The following SVOP variants were observed in gnomAD, a reference collection of about 807,000 sequenced individuals.
SVOP encodes the protein synaptic vesicle 2-related protein.
A neutral mutation model predicts 69.1 loss-of-function variants in SVOP; 17 were observed. The ratio of observed to expected loss-of-function variants is 0.25; its 90% CI spans 0.17 to 0.37. The LOEUF (loss-of-function observed/expected upper bound fraction) is 0.37. Among genes scored for constraint, SVOP ranks in the 10% least tolerant of loss-of-function variants. The pLI is 1.00. For missense variants in SVOP, 435 were observed against 597.5 expected (o/e 0.73, Z 2.84); for synonymous variants, 238 against 238.6 (o/e 1.00, Z 0.02).
intron 5 of SVOP, among the ~76,000 whole-genome samples, chr12:108,966,458 G>T (rs2040046127): frequency 6.6e-6 from 1 of 152,030 alleles, no homozygotes. Flanking sequence ...ACAATATCAT[G>T]CGGTGAACGC....
intron 1 of SVOP, among the ~76,000 whole-genome samples, chr12:109,019,264 A>G (rs2040383642): frequency 6.6e-6 from 1 of 152,182 alleles, no homozygotes. Flanking sequence ...TTTACATTTA[A>G]ATAAGTGAAA....
At chr12:109,016,565 C>A (rs2040368925) in intron 1 of SVOP, among the ~76,000 whole-genome samples, 1 of 152,016 alleles carries the variant, frequency 6.6e-6, no homozygotes, top group Non-Finnish European at 1.5e-5. Context: ...AAGCTTTTTT[C>A]CCAATTCAGG....
intron 6 of SVOP, among the ~76,000 whole-genome samples, chr12:108,951,914 C>T (rs2039956823): frequency 6.6e-6 from 1 of 152,174 alleles, no homozygotes; most frequent in Non-Finnish European, 1.5e-5. Context: ...TCTGTGTGGC[C>T]TTGTGACTTG....
chr12:108,951,441 T>C (rs1243347488), intron 6 of SVOP, among the ~76,000 whole-genome samples: 1 of 152,204 alleles, frequency 6.6e-6, no homozygotes, highest in African/African-American at 2.4e-5. Flanking sequence ...TATTTGCATT[T>C]CCTAAATTTG....
At chr12:109,001,478 CA>C (rs1211345879) in intron 1 of SVOP, among the ~76,000 whole-genome samples, 2,206 of 149,604 alleles carry the variant, frequency 0.015, 62 homozygotes, top group African/African-American at 0.052. Context: ...CATATGGAAC[CA>C]AAAAAGAGCC....
intron 5 of SVOP, among the ~76,000 whole-genome samples, chr12:108,964,443 T>C (rs994537462): frequency 2.0e-5 from 3 of 151,924 alleles, no homozygotes; most frequent in Non-Finnish European, 4.4e-5. Context: ...GAAGACTTAA[T>C]TGGCATCAGC....
At chr12:108,913,951 C>T (rs2039700003) in intron 15 of SVOP, among the ~76,000 whole-genome samples, 1 of 152,214 alleles carries the variant, frequency 6.6e-6, no homozygotes, top group Non-Finnish European at 1.5e-5. Flanking sequence ...ATGCCCAGCC[C>T]ATTTCTTCAT....
intron 15 of SVOP, 149 bp from the exon 16 acceptor site, chr12:108,912,890 C>G (rs1028973060): frequency 3.5e-5 from 30 of 860,784 alleles, no homozygotes; most frequent in Non-Finnish European, 4.6e-5. Flanking sequence ...CCCTTTGTCC[C>G]TCTCTCTCCT....
chr12:108,941,463 A>G (rs2039890846), intron 7 of SVOP, among the ~76,000 whole-genome samples: 1 of 152,190 alleles, frequency 6.6e-6, no homozygotes, highest in South Asian at 2.1e-4. Context: ...GGCCTCCCAA[A>G]GCGCTGGGAT....
chr12:108,942,517 A>G (rs1362408629), intron 7 of SVOP, among the ~76,000 whole-genome samples: 1 of 152,252 alleles, frequency 6.6e-6, no homozygotes, highest in East Asian at 1.9e-4. Context: ...GGTGCAGCCA[A>G]TGTGGAGCCC....
chr12:108,949,098 T>G (rs1311643476), intron 6 of SVOP, among the ~76,000 whole-genome samples: 1 of 152,180 alleles, frequency 6.6e-6, no homozygotes, highest in Non-Finnish European at 1.5e-5. Flanking sequence ...GTCTTTTCAT[T>G]CTGTTTTTTT....
At chr12:108,960,432 G>A (rs36193669) in intron 6 of SVOP, among the ~76,000 whole-genome samples, 83,531 of 151,912 alleles carry the variant, frequency 0.55, 24,690 homozygotes, top group South Asian at 0.68. Context: ...GCAAATTGCT[G>A]CCTGAGTGAC....
chr12:108,951,243 T>A (rs559219366), intron 6 of SVOP, among the ~76,000 whole-genome samples: 1 of 152,196 alleles, frequency 6.6e-6, no homozygotes. Flanking sequence ...AAAACACAAG[T>A]AGGGCGTGGG....
chr12:109,011,980 A>T (rs959523164), intron 1 of SVOP, among the ~76,000 whole-genome samples: 10 of 151,864 alleles, frequency 6.6e-5, no homozygotes, highest in Non-Finnish European at 1.3e-4. Context: ...GAGTTGCTGC[A>T]GGTAAAAAAA....
At position 108,976,741 on chromosome 12, in the gene SVOP, G is replaced by A. The variant is rs538947654; in HGVS notation, c.381+657C>T. 1.1e-3 allele frequency among the ~76,000 whole-genome samples: 165 copies of A among 151,784 alleles called. 1 individual carries two copies. The highest frequency in any genetic ancestry group is 6.8e-3 in the Middle Eastern group (2 of 292). ...AGCAATTCTCCTGCCTCAGCCTCCCGAGTAGCTGGGATTACAGGCGCCCCC... is the reference window on the plus strand; with the variant it reads ...AGCAATTCTCCTGCCTCAGCCTCCCAAGTAGCTGGGATTACAGGCGCCCCC... On this transcript the variant is annotated intron_variant, in intron 4 of 15. Coordinates refer to ENST00000610966, the MANE Select transcript of SVOP (RefSeq NM_018711.5).
intron 5 of SVOP, among the ~76,000 whole-genome samples, chr12:108,963,744 C>T (rs1360138227): frequency 1.3e-5 from 2 of 152,204 alleles, no homozygotes; most frequent in South Asian, 2.1e-4. Flanking sequence ...TGGACTCAAA[C>T]AATCCACCCA....
chr12:108,926,717 T>C (rs553220391), intron 11 of SVOP, among the ~76,000 whole-genome samples: 1 of 152,388 alleles, frequency 6.6e-6, no homozygotes. Flanking sequence ...GACTGCCCTA[T>C]ACATATTGAC....
At chr12:108,973,331 G>A (rs2040089512) in intron 4 of SVOP, among the ~76,000 whole-genome samples, 2 of 151,810 alleles carry the variant, frequency 1.3e-5, no homozygotes, top group South Asian at 4.2e-4. Flanking sequence ...AGGGAGTGGG[G>A]ATGGTACACA....
chr12:108,952,626 CTTGAG>C (rs1481477724), intron 6 of SVOP, among the ~76,000 whole-genome samples: 1 of 152,160 alleles, frequency 6.6e-6, no homozygotes, highest in Non-Finnish European at 1.5e-5. Flanking sequence ...GGGAGGATCA[CTTGAG>C]TTCAAGAACA....
Sources: gnomAD v4.1 joint callset for allele counts (sites outside exome capture counted in the v4.1 genomes callset) on GRCh38, gnomAD v4.1.1 for gene constraint, MANE v1.5 for transcripts, NCBI Gene and HGNC (gene_info 2026-07-23, HGNC 2026-07-21) for gene names.